The following PARVA variants were observed in gnomAD, a reference collection of about 807,000 sequenced individuals.
PARVA encodes the protein alpha-parvin.
A neutral mutation model predicts 52.6 loss-of-function variants in PARVA; 25 were observed. The ratio of observed to expected loss-of-function variants is 0.48; its 90% CI spans 0.35 to 0.66. The LOEUF (loss-of-function observed/expected upper bound fraction) is 0.66. PARVA is among the 30% of genes least tolerant of loss of function. PARVA has a pLI of 0.01. For missense variants in PARVA, 373 were observed against 450.9 expected, an observed-to-expected ratio of 0.83 and a Z score of 1.56; for synonymous variants, 185 against 179.1, an observed-to-expected ratio of 1.03 and a Z score of -0.26.
chr11:12,492,615 C>T (rs185815638), intron 4 of PARVA, among the ~76,000 whole-genome samples: 104 of 152,146 alleles, frequency 6.8e-4, no homozygotes, highest in African/African-American at 2.4e-3. Flanking sequence ...AGAAGAAGTT[C>T]GCAAATTAAT....
chr11:12,481,407 C>A (rs1941084105), intron 4 of PARVA, among the ~76,000 whole-genome samples: 1 of 152,024 alleles, frequency 6.6e-6, no homozygotes, highest in Non-Finnish European at 1.5e-5. Context: ...GCCTCCTGGA[C>A]ACGTTCAACA....
At chr11:12,410,068 G>A (rs1002383386) in intron 1 of PARVA, among the ~76,000 whole-genome samples, 6 of 152,154 alleles carry the variant, frequency 3.9e-5, no homozygotes, top group African/African-American at 1.4e-4. Flanking sequence ...GTGGCACATA[G>A]TAGCCTCTCA....
At chr11:12,432,917 A>C (rs1201880029) in intron 1 of PARVA, among the ~76,000 whole-genome samples, 1 of 152,210 alleles carries the variant, frequency 6.6e-6, no homozygotes, top group African/African-American at 2.4e-5. Context: ...GCTAGAAATG[A>C]GGGCTCTGTC....
At chr11:12,517,030 G>C (rs551609959) in intron 10 of PARVA, among the ~76,000 whole-genome samples, 3 of 151,988 alleles carry the variant, frequency 2.0e-5, no homozygotes, top group Non-Finnish European at 2.9e-5. Flanking sequence ...TGTTCAGAAA[G>C]CACAGATCTC....
chr11:12,508,598 C>A lies in PARVA; in HGVS notation c.672C>A (p.Ile224=), dbSNP rs369394562. ...CCCCATTTCAGAAACGAGAAGGAATCCTCCAGTCTCGGCAAATCCAAGAGG... is the reference window on the plus strand; with the variant it reads ...CCCCATTTCAGAAACGAGAAGGAATACTCCAGTCTCGGCAAATCCAAGAGG... ...QVVVVQKREG[I]LQSRQIQEEI... Residue 224 remains isoleucine (I), a synonymous_variant, in exon 7 of 13, where the codon ATC becomes ATA. Transcript: ENST00000334956. The A allele has an allele frequency of 5.6e-6, 9 of 1,607,462 alleles. No individual in the cohort carries two copies. Among genetic ancestry groups the A allele is most frequent in the Non-Finnish European group, 7.7e-6 (9 of 1,176,066 alleles).
intron 1 of PARVA, among the ~76,000 whole-genome samples, chr11:12,439,822 C>G (rs1416334809): frequency 2.0e-5 from 3 of 152,212 alleles, no homozygotes; most frequent in African/African-American, 7.2e-5. Context: ...GTTTCTTCTT[C>G]CTGAATGTTC....
Position 12,529,401 on chromosome 11 carries a change from G to A in PARVA, c.*1476G>A, listed in dbSNP as rs999220955. ...GCACTCTAAACATACAGAGATAGAG[G>A]TGGGGCTTGTGGTACTTAACACTTG... On this transcript the variant is annotated 3_prime_UTR_variant, in exon 13 of 13. Coordinates refer to ENST00000334956, the MANE Select transcript of PARVA (RefSeq NM_018222.5). The A allele has an allele frequency of 6.6e-6, 1 of 152,194 alleles. No individual in the cohort carries two copies. Among genetic ancestry groups the A allele is most frequent in the Non-Finnish European group, 1.5e-5 (1 of 68,050 alleles). 9.4% of individuals were successfully genotyped at this position (152,194 alleles called of 1,614,324 possible). A position where few individuals can be genotyped will look rare whatever the true frequency, so the allele number is the denominator to read the frequency against.
intron 5 of PARVA, among the ~76,000 whole-genome samples, chr11:12,499,679 G>A (rs1475226950): frequency 6.6e-6 from 1 of 152,014 alleles, no homozygotes; most frequent in Non-Finnish European, 1.5e-5. Context: ...AACTATGAAG[G>A]TAAACTTCAT....
chr11:12,378,536 G>GT (rs1332490510), intron 1 of PARVA, among the ~76,000 whole-genome samples: 6 of 144,020 alleles, frequency 4.2e-5, no homozygotes, highest in Non-Finnish European at 7.6e-5. Flanking sequence ...AAAAACCTTT[G>GT]TTTTTTCCCC....
intron 12 of PARVA, among the ~76,000 whole-genome samples, chr11:12,519,410 G>A (rs1283193507): frequency 2.0e-5 from 3 of 152,158 alleles, no homozygotes; most frequent in Non-Finnish European, 2.9e-5. Context: ...AACAAGAGGG[G>A]TAAGACCTTC....
chr11:12,413,009 G>A (rs922443248), intron 1 of PARVA, among the ~76,000 whole-genome samples: 1 of 152,132 alleles, frequency 6.6e-6, no homozygotes, highest in Non-Finnish European at 1.5e-5. Context: ...CCACTGTTTT[G>A]TTTTTTTGTT....
upstream of PARVA, among the ~76,000 whole-genome samples, chr11:12,377,030 TG>T (rs1243343379): frequency 1.3e-5 from 2 of 152,176 alleles, no homozygotes; most frequent in Admixed American, 6.5e-5. Flanking sequence ...CAGTCTTGGA[TG>T]GGAGTAGAGA....
chr11:12,470,098 G>GCA (rs1394592754), intron 1 of PARVA, among the ~76,000 whole-genome samples: 1 of 152,232 alleles, frequency 6.6e-6, no homozygotes, highest in African/African-American at 2.4e-5. Context: ...ACGCACATGT[G>GCA]CGCACACACA....
At chr11:12,527,807 T>A in intron 12 of PARVA, 42 bp from the exon 13 acceptor site, 1 of 1,462,102 alleles carries the variant, frequency 6.8e-7, no homozygotes, top group Non-Finnish European at 9.6e-7. Context: ...TTGGAACATG[T>A]GGCCCCATGG....
intron 9 of PARVA, 191 bp downstream of exon 9, chr11:12,513,551 T>TCC: frequency 1.4e-6 from 1 of 704,284 alleles, no homozygotes; most frequent in Non-Finnish European, 2.6e-6. Flanking sequence ...CTGGGCCTTT[T>TCC]CCCCTCCATC....
intron 6 of PARVA, among the ~76,000 whole-genome samples, chr11:12,504,774 G>GGTGTGGGT (rs1554901961): frequency 1.3e-5 from 2 of 149,240 alleles, no homozygotes; most frequent in African/African-American, 2.5e-5. Flanking sequence ...AAGGTATGTG[G>GGTGTGGGT]GTGTGTGTGT....
chr11:12,473,286 G>A (rs1470628301), intron 1 of PARVA, among the ~76,000 whole-genome samples: 1 of 152,114 alleles, frequency 6.6e-6, no homozygotes, highest in Admixed American at 6.6e-5. Flanking sequence ...AGAAGTCAGA[G>A]GACGGTTGAA....
At position 12,514,083 on chromosome 11, in the gene PARVA, G is replaced by A. The variant is rs762719444; in HGVS notation, c.867+18G>A. ...AAACCCAGGTGGGTGACAGACCCCA[G>A]CACAGGTAGAGGCAGGGCCCTGCCC... On this transcript the variant is annotated intron_variant, in intron 10 of 12. Transcript: ENST00000334956. 2 of 1,604,178 alleles carry A rather than the reference G, an allele frequency of 1.2e-6. No individual in the cohort carries two copies. The highest frequency in any genetic ancestry group is 1.3e-5 in the African/African-American group (1 of 74,754).
chr11:12,390,969 A>C (rs1041734169), intron 1 of PARVA, among the ~76,000 whole-genome samples: 9 of 152,106 alleles, frequency 5.9e-5, no homozygotes, highest in Admixed American at 5.2e-4. Context: ...CTCTTGGCTG[A>C]GTGTTACAAG....
Sources: gnomAD v4.1 joint callset for allele counts (sites outside exome capture counted in the v4.1 genomes callset) on GRCh38, gnomAD v4.1.1 for gene constraint, MANE v1.5 for transcripts, NCBI Gene and HGNC (gene_info 2026-07-23, HGNC 2026-07-21) for gene names.